CPA6: variants seen among roughly 807,000 people sequenced by gnomAD.
CPA6 encodes carboxypeptidase B.
CPA6 carries 58 observed loss-of-function variants against 63.3 expected under a neutral mutation model. That is an observed-to-expected ratio of 0.92 (90% CI 0.74 to 1.14). The LOEUF (loss-of-function observed/expected upper bound fraction) is 1.14, where lower values mean the gene tolerates loss of function less well. Ranked by LOEUF, CPA6 falls within the 50% of genes most tolerant of loss-of-function variation. The probability of loss-of-function intolerance (pLI) is 0.00; values close to 1 mark genes in which losing one functional copy is unlikely to be tolerated. For missense variants in CPA6, 565 were observed against 526.6 expected, an observed-to-expected ratio of 1.07 and a Z score of -0.71; for synonymous variants, 185 against 179.0, an observed-to-expected ratio of 1.03 and a Z score of -0.27.
chr8:67,545,412 T>C (rs1376566173), intron 2 of CPA6, among the ~76,000 whole-genome samples: 2 of 152,136 alleles, frequency 1.3e-5, no homozygotes, highest in African/African-American at 4.8e-5. Flanking sequence ...CTCAGGTAGA[T>C]TCTGTCTCTG....
chr8:67,466,637 C>G (rs2128958002), intron 8 of CPA6, among the ~76,000 whole-genome samples: 1 of 152,244 alleles, frequency 6.6e-6, no homozygotes. Context: ...TGCTGCATCC[C>G]AGAGATTTTG....
chr8:67,605,860 C>G (rs1055831841), intron 2 of CPA6, among the ~76,000 whole-genome samples: 21 of 151,874 alleles, frequency 1.4e-4, no homozygotes, highest in African/African-American at 5.1e-4. Context: ...TCCACTATAC[C>G]CTAAGGCTTT....
At chr8:67,524,671 T>A (rs1420771793) in intron 2 of CPA6, among the ~76,000 whole-genome samples, 1 of 151,806 alleles carries the variant, frequency 6.6e-6, no homozygotes, top group Non-Finnish European at 1.5e-5. Flanking sequence ...TGGTTAGGAC[T>A]CGGACATACC....
chr8:67,576,094 A>AT (rs938758448), intron 2 of CPA6, among the ~76,000 whole-genome samples: 8 of 152,096 alleles, frequency 5.3e-5, no homozygotes, highest in African/African-American at 1.4e-4. Context: ...AATAAGTTGG[A>AT]TTTTTTTGAG....
intron 1 of CPA6, among the ~76,000 whole-genome samples, chr8:67,645,051 A>G (rs1815685484): frequency 6.6e-6 from 1 of 152,118 alleles, no homozygotes; most frequent in Admixed American, 6.6e-5. Context: ...CCTCTATCCT[A>G]TATATTACTG....
At chr8:67,475,874 T>C (rs1221788567) in intron 8 of CPA6, among the ~76,000 whole-genome samples, 132 of 84,938 alleles carry the variant, frequency 1.6e-3, no homozygotes, top group Admixed American at 3.4e-3. Flanking sequence ...TTTCTTTCTT[T>C]CTTTCTCCTT....
chr8:67,625,359 T>A (rs1815172818), intron 1 of CPA6, among the ~76,000 whole-genome samples: 1 of 152,188 alleles, frequency 6.6e-6, no homozygotes, highest in South Asian at 2.1e-4. Flanking sequence ...TTGAACACAA[T>A]ATAAGGTTCT....
At chr8:67,447,507 AC>A (rs1810454094) in intron 8 of CPA6, among the ~76,000 whole-genome samples, 2 of 20,870 alleles carry the variant, frequency 9.6e-5, no homozygotes, top group Admixed American at 9.1e-4. Context: ...ATGTGTGTAT[AC>A]ACACACACAC....
At position 67,438,729 on chromosome 8, in the gene CPA6, A is replaced by G. The variant is rs773672627; in HGVS notation, c.839-4489T>C. ...CAAAGTGGGGGGGCGAAGTATAATGATCCAGGTATCAAATCCTAGGAGACA... is the reference window on the plus strand; with the variant it reads ...CAAAGTGGGGGGGCGAAGTATAATGGTCCAGGTATCAAATCCTAGGAGACA... On this transcript the variant is annotated intron_variant, in intron 8 of 10. Transcript: ENST00000297770. Among the ~76,000 whole-genome samples the G allele has an allele frequency of 2.6e-4, 40 of 151,234 alleles. No homozygotes were observed. The Middle Eastern group carries it at 0.021, about 78-fold the overall frequency.
chr8:67,529,889 T>C lies in CPA6; in HGVS notation c.193-11842A>G, dbSNP rs952231878. Among the ~76,000 whole-genome samples the C allele has an allele frequency of 2.3e-4, 35 of 152,266 alleles. 1 individual carries two copies. The highest frequency in any genetic ancestry group is 8.2e-4 in the African/African-American group (34 of 41,548). On this transcript the variant is annotated intron_variant, in intron 2 of 10. Coordinates refer to ENST00000297770, the MANE Select transcript of CPA6 (RefSeq NM_020361.5). Reference sequence around the variant, plus strand: ...TATCAGCTTTTTAATGCCCAACTCTTACTATGAATGGGCAGTCAAGACTCA... The same window carrying C: ...TATCAGCTTTTTAATGCCCAACTCTCACTATGAATGGGCAGTCAAGACTCA...
intron 2 of CPA6, among the ~76,000 whole-genome samples, chr8:67,534,046 A>T (rs1308929331): frequency 1.3e-5 from 2 of 152,182 alleles, no homozygotes; most frequent in African/African-American, 4.8e-5. Context: ...GGCTACAGGG[A>T]CCAGAAGAGA....
intron 1 of CPA6, among the ~76,000 whole-genome samples, chr8:67,722,476 T>C (rs570049608): frequency 6.6e-6 from 1 of 152,306 alleles, no homozygotes; most frequent in South Asian, 2.1e-4. Flanking sequence ...ATGTGTGCGG[T>C]GAAGTAAACT....
In CPA6 at chr8:67,521,852, C is replaced by T. The variant is rs143407534; in HGVS notation, c.193-3805G>A. ...ATGGGCCCTGGAGTCTGACTCCCTA[C>T]GATCTGATCTAGGTTCCCATTTAGT... On this transcript the variant is annotated intron_variant, in intron 2 of 10. Coordinates refer to ENST00000297770, the MANE Select transcript of CPA6 (RefSeq NM_020361.5). 8.4e-3 allele frequency among the ~76,000 whole-genome samples: 1,277 copies of T among 152,296 alleles called. 17 individuals carry two copies. Among genetic ancestry groups the T allele is most frequent in the African/African-American group, 0.028 (1,171 of 41,568 alleles).
At chr8:67,700,633 T>A (rs1817004696) in intron 1 of CPA6, among the ~76,000 whole-genome samples, 1 of 152,222 alleles carries the variant, frequency 6.6e-6, no homozygotes, top group South Asian at 2.1e-4. Context: ...GCATGGGTGA[T>A]CTGTCTTCAT....
intron 2 of CPA6, among the ~76,000 whole-genome samples, chr8:67,534,710 A>G (rs1365946541): frequency 2.0e-5 from 3 of 152,122 alleles, no homozygotes; most frequent in African/African-American, 7.2e-5. Flanking sequence ...GCTTTGAAAA[A>G]TATCTTTTTT....
At chr8:67,619,292 G>A (rs1275360476) in intron 2 of CPA6, among the ~76,000 whole-genome samples, 2 of 152,326 alleles carry the variant, frequency 1.3e-5, no homozygotes, top group Non-Finnish European at 1.5e-5. Context: ...CACTGTGTGT[G>A]TGGGTTTTCT....
At chr8:67,640,786 C>A (rs899494188) in intron 1 of CPA6, among the ~76,000 whole-genome samples, 6 of 151,538 alleles carry the variant, frequency 4.0e-5, no homozygotes, top group Non-Finnish European at 8.8e-5. Context: ...CAGTCCCAGC[C>A]CTACCTCCTG....
At chr8:67,506,721 G>A in intron 6 of CPA6, 66 bp downstream of exon 6, 1 of 1,014,670 alleles carries the variant, frequency 9.9e-7, no homozygotes, top group Non-Finnish European at 1.6e-6. Flanking sequence ...ACTTTGTTAA[G>A]CAGAATAAAA....
chr8:67,653,329 G>A (rs1023413523), intron 1 of CPA6, among the ~76,000 whole-genome samples: 4 of 152,120 alleles, frequency 2.6e-5, no homozygotes, highest in African/African-American at 9.7e-5. Flanking sequence ...AAATTACCTT[G>A]GGCAGTATGG....
Sources: allele counts gnomAD v4.1 joint callset (sites outside exome capture counted in the v4.1 genomes callset), GRCh38; gene constraint gnomAD v4.1.1; transcripts MANE v1.5; gene names NCBI Gene and HGNC (gene_info 2026-07-23, HGNC 2026-07-21).